Variants in AKAP9 observed in about 807,000 individuals in gnomAD.
AKAP9 encodes the protein A-kinase anchoring protein 9.
AKAP9 carries 311 observed loss-of-function variants against 488.5 expected under a neutral mutation model. That is an observed-to-expected ratio of 0.64 (90% confidence interval 0.58 to 0.70). The LOEUF (loss-of-function observed/expected upper bound fraction) is 0.70. Ranked by LOEUF, AKAP9 falls within the 30% of genes least tolerant of loss-of-function variation. The pLI, the probability that AKAP9 is intolerant of heterozygous loss-of-function variation, is 0.00. For synonymous variants in AKAP9, 1,462 were observed against 1,483.5 expected (o/e 0.99, Z 0.33); for missense variants, 4,215 against 4,374.5 (o/e 0.96, Z 1.03).
chr7:91,986,257 G>T (rs114617193), intron 3 of AKAP9, among the ~76,000 whole-genome samples: 2,189 of 152,304 alleles, frequency 0.014, 45 homozygotes, highest in African/African-American at 0.05. Flanking sequence ...TTGGAAAAGC[G>T]CAGTATTGGG....
intron 3 of AKAP9, among the ~76,000 whole-genome samples, chr7:91,985,354 T>C (rs960881786): frequency 6.6e-6 from 1 of 152,228 alleles, no homozygotes; most frequent in Non-Finnish European, 1.5e-5. Flanking sequence ...AGGCCTTTTC[T>C]GCATCTATTG....
intron 9 of AKAP9, 70 bp from the exon 10 acceptor site, chr7:92,014,179 A>G (rs1584119050): frequency 2.8e-6 from 3 of 1,085,562 alleles, no homozygotes; most frequent in South Asian, 1.3e-5. Flanking sequence ...CAGTTGAAAC[A>G]TAAGTTAAAT....
At chr7:92,022,487 A>G in intron 13 of AKAP9, 135 bp downstream of exon 13, 1 of 680,680 alleles carries the variant, frequency 1.5e-6, no homozygotes, top group Non-Finnish European at 2.6e-6. Context: ...CAATTTTTTC[A>G]TCCTTAAAAT....
intron 3 of AKAP9, among the ~76,000 whole-genome samples, chr7:91,986,650 TAATAAG>T (rs965033948): frequency 6.6e-6 from 1 of 152,186 alleles, no homozygotes; most frequent in Admixed American, 6.5e-5. Flanking sequence ...ATTCTTGTTA[TAATAAG>T]ACAGTCTTCA....
intron 26 of AKAP9, among the ~76,000 whole-genome samples, chr7:92,068,059 C>T (rs1347768035): frequency 2.6e-5 from 4 of 151,900 alleles, no homozygotes; most frequent in Non-Finnish European, 5.9e-5. Flanking sequence ...TAGAGTAGTA[C>T]AAAAGTTATC....
intron 27 of AKAP9, 90 bp downstream of exon 27, chr7:92,070,296 A>C: frequency 4.5e-6 from 6 of 1,330,878 alleles, no homozygotes; most frequent in Non-Finnish European, 6.5e-6. Context: ...ATTACATATT[A>C]TGTTTATATC....
In AKAP9 at chr7:92,087,301, G is replaced by A. The variant is rs546783941; in HGVS notation, c.9213+885G>A. ...GGTACAATAGGATAAAATGTTAAAAGTTGGACATTTGAACTTTTCTGGAGA... is the reference window on the plus strand; with the variant it reads ...GGTACAATAGGATAAAATGTTAAAAATTGGACATTTGAACTTTTCTGGAGA... On this transcript the variant is annotated intron_variant, in intron 37 of 49. Transcript: ENST00000356239. Among the ~76,000 whole-genome samples the A allele has an allele frequency of 9.2e-5, 14 of 152,306 alleles. No homozygotes were observed. In the South Asian group the frequency reaches 2.9e-3, roughly 32 times the overall value.
At position 92,083,502 on chromosome 7, in the gene AKAP9, G is replaced by GC; in HGVS notation, c.8494dup (p.Gln2832ProfsTer7). 1 of 1,611,396 alleles carries GC rather than the reference G, an allele frequency of 6.2e-7. No homozygotes were observed. The highest frequency in any genetic ancestry group is 8.5e-7 in the Non-Finnish European group (1 of 1,178,704). On this transcript the variant is annotated frameshift_variant, in exon 33 of 50. Transcript: ENST00000356239. LOFTEE classifies it high-confidence loss of function. ...AGTTTACTGAAAAAATTGAGAAGAT[G>GC]CAAGAACTACATGCTGCTGAAATTT...
chr7:92,013,030 C>T (rs1289430464), intron 9 of AKAP9, among the ~76,000 whole-genome samples: 3 of 109,526 alleles, frequency 2.7e-5, no homozygotes, highest in African/African-American at 7.2e-5. Context: ...CTCGCTCTGT[C>T]GCCCAGGCTG....
chr7:92,031,465 G>A, intron 15 of AKAP9, 47 bp from the exon 16 acceptor site: 2 of 1,288,950 alleles, frequency 1.6e-6, no homozygotes, highest in South Asian at 2.4e-5. Context: ...AAAATAAGTG[G>A]TGTATAATTA....
chr7:92,105,435 C>T (rs540689200), intron 46 of AKAP9, among the ~76,000 whole-genome samples: 1 of 152,098 alleles, frequency 6.6e-6, no homozygotes, highest in African/African-American at 2.4e-5. Context: ...CAAGCTGGAA[C>T]CTGATGCTGG....
intron 14 of AKAP9, among the ~76,000 whole-genome samples, chr7:92,024,537 T>G (rs13231238): frequency 0.4 from 60,372 of 151,376 alleles, 12,345 homozygotes; most frequent in African/African-American, 0.46. Flanking sequence ...GGTGAAAGAC[T>G]TTAAGCTTTA....
chr7:92,088,588 TAGAA>T (rs757550962), intron 37 of AKAP9, among the ~76,000 whole-genome samples: 9 of 152,146 alleles, frequency 5.9e-5, no homozygotes, highest in Non-Finnish European at 8.8e-5. Context: ...ATTATAGTAA[TAGAA>T]AGCAGATCAG....
chr7:92,021,056 C>T (rs1802250948), intron 12 of AKAP9, among the ~76,000 whole-genome samples: 1 of 152,150 alleles, frequency 6.6e-6, no homozygotes, highest in Non-Finnish European at 1.5e-5. Flanking sequence ...TTAAACCCTC[C>T]TCAAGAAGAT....
At chr7:92,078,395 G>A (rs1812974858) in intron 30 of AKAP9, among the ~76,000 whole-genome samples, 1 of 152,052 alleles carries the variant, frequency 6.6e-6, no homozygotes, top group Non-Finnish European at 1.5e-5. Context: ...GCCTAGGTGG[G>A]CGGATTGCTT....
intron 42 of AKAP9, 111 bp downstream of exon 42, chr7:92,097,905 CG>C (rs1159036188): frequency 1.8e-6 from 2 of 1,087,972 alleles, no homozygotes; most frequent in African/African-American, 3.1e-5. Flanking sequence ...AAAGGTAATG[CG>C]TGTTTACATT....
intron 7 of AKAP9, among the ~76,000 whole-genome samples, chr7:91,999,944 A>AC (rs1798936297): frequency 6.6e-6 from 1 of 152,138 alleles, no homozygotes; most frequent in Non-Finnish European, 1.5e-5. Context: ...TTACTTACCT[A>AC]CTTATGTCCT....
At chr7:92,035,309 G>A (rs1436678992) in intron 16 of AKAP9, among the ~76,000 whole-genome samples, 1 of 151,972 alleles carries the variant, frequency 6.6e-6, no homozygotes. Flanking sequence ...GTTTCTTTGT[G>A]GTCTGGCAAA....
At chr7:92,044,271 C>G (rs1722650236) in intron 20 of AKAP9, among the ~76,000 whole-genome samples, 1 of 152,134 alleles carries the variant, frequency 6.6e-6, no homozygotes, top group Non-Finnish European at 1.5e-5. Context: ...AAGAGAGACA[C>G]ACCAAATTCA....
Sources: gnomAD v4.1 joint callset for allele counts (sites outside exome capture counted in the v4.1 genomes callset) on GRCh38, gnomAD v4.1.1 for gene constraint, MANE v1.5 for transcripts, NCBI Gene and HGNC (gene_info 2026-07-23, HGNC 2026-07-21) for gene names.